The following NSMAF variants were observed in gnomAD, a reference collection of about 807,000 sequenced individuals.
The protein encoded by NSMAF is protein FAN.
In NSMAF, 90 loss-of-function variants were observed where a neutral mutation model predicts 134.9. The ratio of observed to expected loss-of-function variants is 0.67; its 90% CI spans 0.56 to 0.79. The LOEUF (loss-of-function observed/expected upper bound fraction) is 0.79. Ranked by LOEUF, NSMAF falls within the 30% of genes least tolerant of loss-of-function variation. The pLI, the probability that NSMAF is intolerant of heterozygous loss-of-function variation, is 0.00. For synonymous variants in NSMAF, 358 were observed against 389.6 expected (o/e 0.92, Z 0.96); for missense variants, 1,010 against 1,119.0 (o/e 0.90, Z 1.39).
At position 58,659,580 on chromosome 8, in the gene NSMAF, T is replaced by C; in HGVS notation, c.52A>G (p.Lys18Glu). 3 of 1,526,006 alleles carry C rather than the reference T, an allele frequency of 2.0e-6. No homozygotes were observed. Among genetic ancestry groups the C allele is most frequent in the Non-Finnish European group, 2.6e-6 (3 of 1,138,110 alleles). 94.5% of individuals were successfully genotyped at this position (1,526,006 alleles called of 1,614,324 possible). A position where few individuals can be genotyped will look rare whatever the true frequency, so the allele number is the denominator to read the frequency against. The change falls in exon 1 of 31, where the codon AAG becomes GAG. Residue 18 changes from lysine to glutamate, a missense_variant. Physicochemically the swap from Lys to Glu is moderately conservative, Grantham distance 56 (BLOSUM62 1). Coordinates refer to ENST00000038176, the MANE Select transcript of NSMAF (RefSeq NM_003580.4). The stretch of plus-strand genomic sequence containing the variant: ...CTTCAGCTGGGCGCGCACCTCTCCT[T>C]GGAGTAGAGCTGCAGCTGCTGCTCC... ...QQEQQLQLYS[K>E]ERFSLLLLNL...
intron 5 of NSMAF, among the ~76,000 whole-genome samples, chr8:58,633,539 T>C (rs1241204965): frequency 6.6e-6 from 1 of 152,224 alleles, no homozygotes; most frequent in Non-Finnish European, 1.5e-5. Context: ...GAGACATTTG[T>C]TTATTGTCTG....
chr8:58,658,106 C>A (rs200302771), intron 1 of NSMAF, among the ~76,000 whole-genome samples: 1 of 152,132 alleles, frequency 6.6e-6, no homozygotes, highest in Non-Finnish European at 1.5e-5. Context: ...CAACATGATG[C>A]CAATTCAAGT....
In NSMAF at chr8:58,584,169, CTG is replaced by C. The variant is rs759947753; in HGVS notation, c.2689_2690del (p.Gln897ValfsTer2). The C allele has an allele frequency of 5.0e-6, 8 of 1,613,818 alleles. No individual in the cohort carries two copies. The highest frequency in any genetic ancestry group is 6.8e-6 in the Non-Finnish European group (8 of 1,179,746). Reference protein sequence around the residue: ...GAVTCIWMNEQCSSIITGGED... With the variant: ...GAVTCIWMNEXCSSIITGGED... Reference sequence around the variant, plus strand: ...CCCCTCCTGTGATGATACTGCTACACTGTTCATTCATCCATATACATGTCACA... The same window carrying C: ...CCCCTCCTGTGATGATACTGCTACACTTCATTCATCCATATACATGTCACA... On this transcript the variant is annotated frameshift_variant, in exon 31 of 31. Transcript: ENST00000038176. LOFTEE classifies it high-confidence loss of function.
intron 1 of NSMAF, 128 bp from the exon 2 acceptor site, chr8:58,643,201 T>A: frequency 1.4e-6 from 1 of 707,208 alleles, no homozygotes; most frequent in Non-Finnish European, 2.5e-6. Flanking sequence ...ATGAAGCATG[T>A]ATATCATGCC....
intron 1 of NSMAF, among the ~76,000 whole-genome samples, chr8:58,646,574 GA>G (rs1204167337): frequency 1.3e-5 from 2 of 152,106 alleles, no homozygotes; most frequent in African/African-American, 4.8e-5. Flanking sequence ...CATATTGTTT[GA>G]AGTAAAGGAT....
chr8:58,635,055 T>C (rs549596277), intron 5 of NSMAF, 134 bp downstream of exon 5: 3 of 710,092 alleles, frequency 4.2e-6, no homozygotes, highest in Non-Finnish European at 7.2e-6. Flanking sequence ...ACTATATTTC[T>C]CAATGACTGA....
rs1278856042 is a variant in NSMAF, at chr8:58,659,605, C to T, written c.27G>A (p.Gln9=). ...TGGAGTAGAGCTGCAGCTGCTGCTC[C>T]TGCTGCTTCTTCCGGATAAACGCCA... MAFIRKKQ[Q]EQQLQLYSKE... The change falls in exon 1 of 31, where the codon CAG becomes CAA. Residue 9 remains glutamine (Q), a synonymous_variant. Transcript: ENST00000038176. 2.0e-6 allele frequency: 3 copies of T among 1,494,824 alleles called. No homozygotes were observed. Among genetic ancestry groups the T allele is most frequent in the Non-Finnish European group, 2.7e-6 (3 of 1,125,336 alleles). 92.6% of individuals were successfully genotyped at this position (1,494,824 alleles called of 1,614,324 possible). A position where few individuals can be genotyped will look rare whatever the true frequency, so the allele number is the denominator to read the frequency against.
intron 2 of NSMAF, among the ~76,000 whole-genome samples, chr8:58,640,631 A>T (rs1054770278): frequency 3.3e-5 from 5 of 152,210 alleles, no homozygotes; most frequent in Non-Finnish European, 7.3e-5. Flanking sequence ...ATACACAGTC[A>T]AATTATTATA....
chr8:58,631,422 T>G, intron 6 of NSMAF, 74 bp downstream of exon 6: 1 of 831,894 alleles, frequency 1.2e-6, no homozygotes, highest in South Asian at 1.7e-5. Flanking sequence ...TTAAAGATGT[T>G]AATAGAGTCA....
intron 1 of NSMAF, among the ~76,000 whole-genome samples, chr8:58,644,296 GAT>G (rs1156343164): frequency 6.6e-6 from 1 of 152,218 alleles, no homozygotes; most frequent in Non-Finnish European, 1.5e-5. Context: ...AAATTGGAGA[GAT>G]ATTAAAGCAG....
intron 14 of NSMAF, 119 bp downstream of exon 14, chr8:58,601,939 C>A: frequency 1.4e-6 from 1 of 739,642 alleles, no homozygotes; most frequent in Non-Finnish European, 2.2e-6. Flanking sequence ...AGAAAAAACT[C>A]TACGTAGAGT....
chr8:58,644,297 A>T (rs1441130707), intron 1 of NSMAF, among the ~76,000 whole-genome samples: 1 of 152,232 alleles, frequency 6.6e-6, no homozygotes, highest in Admixed American at 6.5e-5. Flanking sequence ...AATTGGAGAG[A>T]TATTAAAGCA....
rs554901709 is a variant in NSMAF at position 58,635,335 on chromosome 8, C to A, written c.266G>T (p.Gly89Val). Residue 89 changes from glycine to valine, a missense_variant, in exon 4 of 31, where the codon GGA becomes GTA. Transcript: ENST00000038176. Reference sequence around the variant, plus strand: ...GAAGTGTCTATTGGCTCCATTTTCTCCATGCTTTCCTATTTTTATACAGTC... The same window carrying A: ...GAAGTGTCTATTGGCTCCATTTTCTACATGCTTTCCTATTTTTATACAGTC... ...LRDCIKIGKH[G>V]ENGANRHFTK... is the part of the protein sequence containing the mutation. The A allele has an allele frequency of 6.8e-6, 11 of 1,608,806 alleles. No homozygotes were observed. The highest frequency in any genetic ancestry group is 9.3e-6 in the Non-Finnish European group (11 of 1,178,332).
chr8:58,619,335 TA>T (rs989754071), intron 9 of NSMAF, among the ~76,000 whole-genome samples: 55 of 152,094 alleles, frequency 3.6e-4, no homozygotes, highest in African/African-American at 1.3e-3. Context: ...AAGGTAGCAA[TA>T]AAATAGAATA....
chr8:58,607,940 C>T (rs1806445904), intron 10 of NSMAF, 100 bp from the exon 11 acceptor site: 2 of 977,718 alleles, frequency 2.0e-6, no homozygotes, highest in Admixed American at 3.6e-5. Context: ...CCAAATCTTG[C>T]TTTCCTAATA....
chr8:58,655,021 T>G (rs1807670732), intron 1 of NSMAF, among the ~76,000 whole-genome samples: 1 of 151,900 alleles, frequency 6.6e-6, no homozygotes, highest in Admixed American at 6.6e-5. Context: ...TTATTTTTAG[T>G]AGAGACAGGG....
Position 58,603,242 on chromosome 8 carries a change from C to A in NSMAF, c.1013G>T (p.Trp338Leu). 6.2e-7 allele frequency: 1 copy of A among 1,614,140 alleles called. No homozygotes were observed. The highest frequency in any genetic ancestry group is 8.5e-7 in the Non-Finnish European group (1 of 1,180,026). Residue 338 changes from tryptophan (W) to leucine (L), a missense_variant, in exon 13 of 31, where the codon TGG becomes TTG. Transcript: ENST00000038176. ...NDLSQYPVFP[W>L]IIHDYSSSEL... is the part of the protein sequence containing the mutation. ...TGAGCTGGAATAATCATGTATTATC[C>A]ATGGAAACACAGGGTACTGGGAGAG...
intron 19 of NSMAF, 88 bp downstream of exon 19, chr8:58,599,144 G>A (rs1424642633): frequency 7.6e-7 from 1 of 1,314,266 alleles, no homozygotes; most frequent in Admixed American, 2.1e-5. Flanking sequence ...TTTTTTTGTT[G>A]GTATTGTTTG....
In NSMAF at chr8:58,590,091, T is replaced by C. The variant is rs1322526361; in HGVS notation, c.2020-17A>G. On this transcript the variant is annotated splice_polypyrimidine_tract_variant and intron_variant, in intron 24 of 30. Coordinates refer to ENST00000038176, the MANE Select transcript of NSMAF (RefSeq NM_003580.4). The stretch of plus-strand genomic sequence containing the variant: ...CGATAAAGCCTGAAATACAAATGAT[T>C]TGACGTTAACAATCTATAATAATTA... 3.7e-6 allele frequency: 6 copies of C among 1,606,262 alleles called. No homozygotes were observed. The highest frequency in any genetic ancestry group is 4.3e-6 in the Non-Finnish European group (5 of 1,172,878).
Sources: gnomAD v4.1 joint callset for allele counts (sites outside exome capture counted in the v4.1 genomes callset) on GRCh38, gnomAD v4.1.1 for gene constraint, MANE v1.5 for transcripts, NCBI Gene and HGNC (gene_info 2026-07-23, HGNC 2026-07-21) for gene names.